Variants in NDEL1 observed in about 807,000 individuals in gnomAD.
The protein encoded by NDEL1 is nuclear distribution protein nudE-like 1.
Under a neutral mutation model 45.7 loss-of-function variants are expected in NDEL1, and 9 were observed. That is an observed-to-expected ratio of 0.20 (90% CI 0.12 to 0.34). The LOEUF (loss-of-function observed/expected upper bound fraction) is 0.34, where lower values mean the gene tolerates loss of function less well. Ranked by LOEUF, NDEL1 falls within the 10% of genes least tolerant of loss-of-function variation. The probability of loss-of-function intolerance (pLI) is 1.00; values close to 1 mark genes in which losing one functional copy is unlikely to be tolerated. For synonymous variants in NDEL1, 133 were observed against 158.6 expected (o/e 0.84, Z 1.21); for missense variants, 306 against 406.2 (o/e 0.75, Z 2.12).
chr17:8,445,696 T>G lies in NDEL1; in HGVS notation c.87-15T>G, dbSNP rs1174511072. On this transcript the variant is annotated splice_polypyrimidine_tract_variant and intron_variant, in intron 2 of 8. Coordinates refer to ENST00000334527, the MANE Select transcript of NDEL1 (RefSeq NM_030808.5). ...TCTTAGTGTAACTCGTCTTTCCCAC[T>G]TTGTTTCTGATTAGCTTCCAGGAAG... is the stretch of plus-strand genomic sequence containing the variant. 1 of 1,588,778 alleles carries G rather than the reference T, an allele frequency of 6.3e-7. No individual in the cohort carries two copies. Among genetic ancestry groups the G allele is most frequent in the African/African-American group, 1.4e-5 (1 of 73,174 alleles).
At chr17:8,413,774 A>G (rs1426946195) in intron 1 of NDEL1, among the ~76,000 whole-genome samples, 2 of 152,124 alleles carry the variant, frequency 1.3e-5, no homozygotes, top group Non-Finnish European at 2.9e-5. Context: ...AGACATCTCT[A>G]TTTTTTTGGA....
At position 8,465,824 on chromosome 17, in the gene NDEL1, A is replaced by C. The variant is rs1597563095; in HGVS notation, c.945-1106A>C. On this transcript the variant is annotated intron_variant, in intron 8 of 8. Coordinates refer to ENST00000334527, the MANE Select transcript of NDEL1 (RefSeq NM_030808.5). The surrounding 1 kb of genome is among the most constrained non-coding windows in gnomAD (Gnocchi z 4.9). ...GAAGCGTTTCAAGGTGGAAAGGCTG[A>C]AGTGGCTCCTGAGAGAGGTTCCAGG... 1 of 152,442 alleles carries C rather than the reference A, an allele frequency of 6.6e-6. No homozygotes were observed. The highest frequency in any genetic ancestry group is 1.9e-4 in the East Asian group (1 of 5,180). 9.4% of individuals were successfully genotyped at this position (152,442 alleles called of 1,614,324 possible).
downstream of NDEL1, among the ~76,000 whole-genome samples, chr17:8,468,980 G>A (rs910409472): frequency 1.3e-5 from 2 of 152,134 alleles, no homozygotes; most frequent in African/African-American, 2.4e-5. Flanking sequence ...CTCCAGCCTG[G>A]GTGACAGAGC....
intron 1 of NDEL1, 31 bp downstream of exon 1, chr17:8,436,076 G>A (rs1388575998): frequency 2.6e-6 from 1 of 381,872 alleles, no homozygotes; most frequent in South Asian, 1.8e-5. Context: ...CGCTCCCTAA[G>A]GGGCTGCGCT....
At chr17:8,439,749 T>C (rs1909611888) in intron 1 of NDEL1, among the ~76,000 whole-genome samples, 2 of 152,356 alleles carry the variant, frequency 1.3e-5, no homozygotes, top group South Asian at 4.1e-4. Context: ...AAAGGTCTGC[T>C]ATCGAACTAC....
downstream of NDEL1, among the ~76,000 whole-genome samples, chr17:8,468,380 GT>G (rs1911740473): frequency 6.6e-6 from 1 of 152,232 alleles, no homozygotes; most frequent in South Asian, 2.1e-4. Context: ...TCCAGGAGCA[GT>G]TTGAGAATGG....
At chr17:8,468,622 C>T (rs1295973523), downstream of NDEL1, among the ~76,000 whole-genome samples, 3 of 152,250 alleles carry the variant, frequency 2.0e-5, no homozygotes, top group South Asian at 4.1e-4. Flanking sequence ...GATAGCAAGA[C>T]ACATTGAAGA....
chr17:8,454,555 C>G (rs1036611333), intron 6 of NDEL1, among the ~76,000 whole-genome samples: 1 of 152,080 alleles, frequency 6.6e-6, no homozygotes, highest in African/African-American at 2.4e-5. Flanking sequence ...AAATACTTGT[C>G]TAGATGTTTA....
Position 8,454,755 on chromosome 17 carries a change from G to A in NDEL1, c.701-41G>A, listed in dbSNP as rs746086790. On this transcript the variant is annotated intron_variant, in intron 6 of 8. Transcript: ENST00000334527. ...TCAACAACAAAACCCAAATGTAAAG[G>A]GAACTGCAAGTGTAATCACTCAGCT... 4.0e-6 allele frequency: 6 copies of A among 1,486,668 alleles called. No individual in the cohort carries two copies. In the South Asian group the frequency reaches 5.8e-5, roughly 14 times the overall value. The allele number at this position is 1,486,668 out of a possible 1,614,324, so 92.1% of individuals were successfully genotyped here. A position where few individuals can be genotyped will look rare whatever the true frequency, so the allele number is the denominator to read the frequency against.
Position 8,465,416 on chromosome 17 carries a change from T to C in NDEL1, c.945-1514T>C, listed in dbSNP as rs935245696. 2.6e-5 allele frequency: 4 copies of C among 152,188 alleles called. No individual in the cohort carries two copies. Among genetic ancestry groups the C allele is most frequent in the Admixed American group, 2.6e-4 (4 of 15,284 alleles). The allele number at this position is 152,188 out of a possible 1,614,324, so 9.4% of individuals were successfully genotyped here. A position where few individuals can be genotyped will look rare whatever the true frequency, so the allele number is the denominator to read the frequency against. ...AGTGTGCAACAGGGAGAAATGACAT[T>C]TGTCAGAGCCTTTCTCCTGGGGCTC... On this transcript the variant is annotated intron_variant, in intron 8 of 8. Coordinates refer to ENST00000334527, the MANE Select transcript of NDEL1 (RefSeq NM_030808.5). This position sits in a 1 kb window ranked among gnomAD's most constrained non-coding sequence, Gnocchi z 4.9.
Position 8,467,049 on chromosome 17 carries a change from C to T in NDEL1, c.*26C>T. 3 of 1,606,940 alleles carry T rather than the reference C, an allele frequency of 1.9e-6. No homozygotes were observed. The highest frequency in any genetic ancestry group is 2.6e-6 in the Non-Finnish European group (3 of 1,173,852). On this transcript the variant is annotated 3_prime_UTR_variant, in exon 9 of 9. Transcript: ENST00000334527. This position sits in a 1 kb window ranked among gnomAD's most constrained non-coding sequence, Gnocchi z 6.3. Reference sequence around the variant, plus strand: ...GTGCCTAGCCTCCAGGTGGGGGCTCCTGCCCTCCTCCAACAACCCAGGACA... The same window carrying T: ...GTGCCTAGCCTCCAGGTGGGGGCTCTTGCCCTCCTCCAACAACCCAGGACA...
chr17:8,453,735 T>C (rs1207598700), intron 6 of NDEL1, among the ~76,000 whole-genome samples: 2 of 152,180 alleles, frequency 1.3e-5, no homozygotes, highest in Non-Finnish European at 2.9e-5. Flanking sequence ...TTTAAAAAAT[T>C]GATATGTTGA....
chr17:8,454,937 A>G, intron 7 of NDEL1, 50 bp downstream of exon 7: 2 of 1,454,302 alleles, frequency 1.4e-6, no homozygotes, highest in Non-Finnish European at 1.9e-6. Context: ...AAGGTATTGA[A>G]TTATTTCTTA....
At chr17:8,471,262 T>C (rs899864266), downstream of NDEL1, among the ~76,000 whole-genome samples, 1 of 152,258 alleles carries the variant, frequency 6.6e-6, no homozygotes, top group African/African-American at 2.4e-5. Flanking sequence ...GCGATTCTCC[T>C]GCCTCAGCCT....
chr17:8,445,676 G>C (rs1322520372), intron 2 of NDEL1, 35 bp from the exon 3 acceptor site: 5 of 1,580,516 alleles, frequency 3.2e-6, no homozygotes, highest in Non-Finnish European at 8.6e-7. Flanking sequence ...GTGGTTCTTA[G>C]TGTAACTCGT....
intron 6 of NDEL1, among the ~76,000 whole-genome samples, chr17:8,452,527 A>G (rs147300282): frequency 4.9e-4 from 75 of 152,290 alleles, no homozygotes; most frequent in African/African-American, 1.8e-3. Flanking sequence ...GCTGCTGTGT[A>G]CTAGATCACT....
intron 6 of NDEL1, among the ~76,000 whole-genome samples, chr17:8,452,581 G>T (rs529170348): frequency 1.3e-5 from 2 of 152,300 alleles, no homozygotes; most frequent in East Asian, 3.9e-4. Context: ...GCAGCAGCAG[G>T]TGGTCAGAGA....
intron 1 of NDEL1, among the ~76,000 whole-genome samples, chr17:8,440,647 G>C (rs192040403): frequency 6.6e-6 from 1 of 152,148 alleles, no homozygotes; most frequent in African/African-American, 2.4e-5. Context: ...CATGCAAAAG[G>C]CTATTTAAAA....
At chr17:8,442,778 T>A in intron 1 of NDEL1, among the ~76,000 whole-genome samples, 2 of 2,158 alleles carry the variant, frequency 9.3e-4, no homozygotes, top group East Asian at 0.062. Flanking sequence ...ATTTATTTAC[T>A]TTTTTTTTTT....
Sources: gnomAD v4.1 joint callset for allele counts (sites outside exome capture counted in the v4.1 genomes callset) on GRCh38, gnomAD v4.1.1 for gene constraint, Gnocchi (gnomAD v3.1) non-coding constraint, MANE v1.5 for transcripts, NCBI Gene and HGNC (gene_info 2026-07-23, HGNC 2026-07-21) for gene names.